Variants in SCN2A observed in about 807,000 individuals in gnomAD.
SCN2A encodes sodium voltage-gated channel alpha subunit 2.
In SCN2A, 20 loss-of-function variants were observed where a neutral mutation model predicts 188.7. The ratio of observed to expected loss-of-function variants is 0.11; its 90% CI spans 0.07 to 0.15. SCN2A has a LOEUF of 0.15. Among genes scored for constraint, SCN2A ranks in the 10% least tolerant of loss-of-function variants. The pLI is 1.00. For missense variants in SCN2A, 1,278 were observed against 2,445.0 expected, an observed-to-expected ratio of 0.52 and a Z score of 10.07; for synonymous variants, 804 against 833.1, an observed-to-expected ratio of 0.97 and a Z score of 0.60.
At chr2:165,332,705 C>T (rs998478058) in intron 14 of SCN2A, among the ~76,000 whole-genome samples, 3 of 151,796 alleles carry the variant, frequency 2.0e-5, no homozygotes, top group African/African-American at 4.8e-5. Flanking sequence ...TAAAAAAAAG[C>T]AGGGTGGTGG....
chr2:165,275,719 A>C (rs1278486805), intron 1 of SCN2A, among the ~76,000 whole-genome samples: 10 of 151,964 alleles, frequency 6.6e-5, no homozygotes, highest in African/African-American at 2.4e-4. Context: ...TGTATACTGG[A>C]TGTTTTACTT....
At chr2:165,259,166 T>C (rs1694465958) in intron 1 of SCN2A, among the ~76,000 whole-genome samples, 1 of 152,236 alleles carries the variant, frequency 6.6e-6, no homozygotes, top group Non-Finnish European at 1.5e-5. Context: ...GCAATGTACA[T>C]ACCTTAATTT....
At chr2:165,358,666 T>A (rs902189444) in intron 17 of SCN2A, among the ~76,000 whole-genome samples, 1 of 152,066 alleles carries the variant, frequency 6.6e-6, no homozygotes, top group Non-Finnish European at 1.5e-5. Flanking sequence ...GAGTCCATCT[T>A]CTTCATTTTC....
In SCN2A at chr2:165,367,250, G is replaced by A. The variant is rs764498057; in HGVS notation, c.3554G>A (p.Ser1185Asn). The A allele has an allele frequency of 6.2e-7, 1 of 1,614,092 alleles. No individual in the cohort carries two copies. The highest frequency in any genetic ancestry group is 8.5e-7 in the Non-Finnish European group (1 of 1,180,014). ...CVRKFKCCQI[S>N]IEEGKGKLWW... ...CGGAAGTTCAAGTGTTGTCAGATAAGCATAGAAGAAGGCAAAGGGAAACTC... is the reference window on the plus strand; with the variant it reads ...CGGAAGTTCAAGTGTTGTCAGATAAACATAGAAGAAGGCAAAGGGAAACTC... Residue 1185 changes from serine (S) to asparagine (N), a missense_variant, in exon 19 of 27, where the codon AGC (serine) becomes AAC (asparagine). Ser to Asn is a conservative substitution (Grantham distance 46). Around this residue, in one of 17 missense-constraint regions of SCN2A, gnomAD observed 228 missense variants for 297.3 expected, o/e 0.77. Coordinates refer to ENST00000375437, the MANE Select transcript of SCN2A (RefSeq NM_001040142.2).
intron 1 of SCN2A, among the ~76,000 whole-genome samples, chr2:165,282,633 C>A (rs1310165506): frequency 6.6e-6 from 1 of 152,122 alleles, no homozygotes; most frequent in Non-Finnish European, 1.5e-5. Context: ...TCAGGCCAGT[C>A]TCCAACTCCT....
chr2:165,345,862 A>G (rs553471689), intron 16 of SCN2A, among the ~76,000 whole-genome samples: 7 of 152,102 alleles, frequency 4.6e-5, no homozygotes, highest in Non-Finnish European at 7.3e-5. Context: ...TTTCCTTGCC[A>G]TATTTAGTGC....
chr2:165,303,270 G>GTTTTTTTGTTTTTTTT (rs1696920882), intron 3 of SCN2A, among the ~76,000 whole-genome samples: 1 of 91,330 alleles, frequency 1.1e-5, no homozygotes, highest in Non-Finnish European at 2.1e-5. Flanking sequence ...TGTTATTTGA[G>GTTTTTTTGTTTTTTTT]TTTTTTTTTT....
At chr2:165,262,360 C>T (rs1694631704) in intron 1 of SCN2A, among the ~76,000 whole-genome samples, 1 of 152,002 alleles carries the variant, frequency 6.6e-6, no homozygotes, top group Admixed American at 6.6e-5. Context: ...AGTCTCTTAT[C>T]TCTCACCCCC....
intron 1 of SCN2A, among the ~76,000 whole-genome samples, chr2:165,264,932 T>C (rs1010772133): frequency 3.3e-5 from 5 of 152,092 alleles, no homozygotes; most frequent in African/African-American, 1.2e-4. Context: ...AATGAACATA[T>C]GCATGCATGT....
At chr2:165,296,980 C>T in intron 2 of SCN2A, 37 bp from the exon 3 acceptor site, 2 of 1,046,940 alleles carry the variant, frequency 1.9e-6, no homozygotes, top group Non-Finnish European at 2.9e-6. Flanking sequence ...AATATATATT[C>T]TAAGTTTTAT....
chr2:165,257,434 T>C (rs192721752), intron 1 of SCN2A, among the ~76,000 whole-genome samples: 403 of 152,350 alleles, frequency 2.6e-3, no homozygotes, highest in Non-Finnish European at 4.0e-3. Flanking sequence ...AAGAGACTTA[T>C]TTTTTCACTT....
intron 13 of SCN2A, 112 bp from the exon 14 acceptor site, chr2:165,331,218 C>T: frequency 1.2e-6 from 1 of 855,076 alleles, no homozygotes; most frequent in Admixed American, 2.0e-5. Flanking sequence ...GCAGATTAAC[C>T]CATAATATCT....
At chr2:165,323,554 C>A in intron 12 of SCN2A, 54 bp downstream of exon 12, 1 of 1,487,884 alleles carries the variant, frequency 6.7e-7, no homozygotes, top group Non-Finnish European at 9.2e-7. Flanking sequence ...CTGGTGCAGG[C>A]AGGAGTGTTT....
intron 1 of SCN2A, among the ~76,000 whole-genome samples, chr2:165,291,542 T>TC (rs1195715190): frequency 2.8e-5 from 3 of 106,304 alleles, no homozygotes; most frequent in Middle Eastern, 3.8e-3. Flanking sequence ...CCTTCCTTCC[T>TC]TCCTTCCTTC....
At chr2:165,342,646 G>A (rs1699376401) in intron 15 of SCN2A, among the ~76,000 whole-genome samples, 177 bp downstream of exon 15, 1 of 152,132 alleles carries the variant, frequency 6.6e-6, no homozygotes, top group Admixed American at 6.5e-5. Context: ...CTTTAATAAA[G>A]TTCACTTAAA....
chr2:165,264,197 A>G (rs992119035), intron 1 of SCN2A, among the ~76,000 whole-genome samples: 2 of 152,094 alleles, frequency 1.3e-5, no homozygotes, highest in Non-Finnish European at 2.9e-5. Context: ...GAAGTGGTGA[A>G]AGTGGGCAAA....
intron 1 of SCN2A, among the ~76,000 whole-genome samples, chr2:165,291,448 T>TTC: frequency 4.0e-5 from 1 of 24,716 alleles, no homozygotes; most frequent in African/African-American, 1.4e-4. Context: ...CTTTCTTTCT[T>TTC]TCTTTCTTTC....
chr2:165,315,973 G>A (rs927378418), intron 11 of SCN2A, among the ~76,000 whole-genome samples: 21 of 152,114 alleles, frequency 1.4e-4, no homozygotes, highest in South Asian at 6.2e-4. Context: ...TCTGGGTTTG[G>A]AAAAATTTGC....
In SCN2A at chr2:165,362,713, A is replaced by C. The variant is rs1700525928; in HGVS notation, c.3400-2430A>C. On this transcript the variant is annotated intron_variant, in intron 17 of 26. Coordinates refer to ENST00000375437, the MANE Select transcript of SCN2A (RefSeq NM_001040142.2). ...GTGTATTATCCATAGGGCCTAGAGT[A>C]CGTGGCTTCTGCCCCCAAATGTCTT... 2.6e-5 allele frequency among the ~76,000 whole-genome samples: 4 copies of C among 152,104 alleles called. No individual in the cohort carries two copies. The South Asian group carries it at 8.3e-4, about 31-fold the overall frequency.
Sources: allele counts gnomAD v4.1 joint callset (sites outside exome capture counted in the v4.1 genomes callset), GRCh38; gene constraint gnomAD v4.1.1; regional missense constraint gnomAD v4.1.1; transcripts MANE v1.5; gene names NCBI Gene and HGNC (gene_info 2026-07-23, HGNC 2026-07-21).